The following FBXO7 variants were observed in gnomAD, a reference collection of about 807,000 sequenced individuals.
FBXO7 encodes the protein F-box only protein 7.
In FBXO7, 31 loss-of-function variants were observed where a neutral mutation model predicts 50.2. That is an observed-to-expected ratio of 0.62 (90% CI 0.46 to 0.83). The LOEUF (loss-of-function observed/expected upper bound fraction) is 0.83. Ranked by LOEUF, FBXO7 falls within the 40% of genes least tolerant of loss-of-function variation. The probability of loss-of-function intolerance (pLI) is 0.00; values close to 1 mark genes in which losing one functional copy is unlikely to be tolerated. For synonymous variants in FBXO7, 256 were observed against 253.1 expected (o/e 1.01, Z -0.11); for missense variants, 667 against 646.6 (o/e 1.03, Z -0.34).
chr22:32,494,339 A>G lies in FBXO7; in HGVS notation c.1144+1058A>G, dbSNP rs191378281. The stretch of plus-strand genomic sequence containing the variant: ...AAAGCATCATCTCAAAAAATAATTC[A>G]ATTTTATTTATTTGTGTATTTTTGA... On this transcript the variant is annotated intron_variant, in intron 7 of 8. Transcript: ENST00000266087. Among the ~76,000 whole-genome samples the G allele has an allele frequency of 4.8e-3, 728 of 152,112 alleles. 4 individuals are homozygous for G. Among genetic ancestry groups the G allele is most frequent in the African/African-American group, 0.016 (667 of 41,476 alleles).
Position 32,479,244 on chromosome 22 carries a change from C to G in FBXO7, c.386C>G (p.Ala129Gly), listed in dbSNP as rs1200382267. The G allele has an allele frequency of 6.2e-7, 1 of 1,613,932 alleles. No individual in the cohort carries two copies. Among genetic ancestry groups the G allele is most frequent in the Non-Finnish European group, 8.5e-7 (1 of 1,180,030 alleles). The change falls in exon 2 of 9, where the codon GCC (alanine) becomes GGC (glycine). Residue 129 changes from alanine to glycine, a missense_variant. By Grantham distance (60) the Ala-to-Gly change is moderately conservative. Coordinates refer to ENST00000266087, the MANE Select transcript of FBXO7 (RefSeq NM_012179.4). ...QPSDSFQGQA[A>G]QSGVWNDDSM... ...AGTGATTCATTCCAAGGACAGGCAG[C>G]CCAGTCTGGTGTTTGGAATGACGAC...
intron 2 of FBXO7, among the ~76,000 whole-genome samples, chr22:32,482,091 T>C (rs569922971): frequency 1.6e-4 from 24 of 152,306 alleles, no homozygotes; most frequent in African/African-American, 5.3e-4. Context: ...CAATAAGTAG[T>C]AAATGGCCAA....
chr22:32,494,837 C>T (rs776713293), intron 7 of FBXO7, among the ~76,000 whole-genome samples: 31 of 152,148 alleles, frequency 2.0e-4, no homozygotes, highest in Non-Finnish European at 4.1e-4. Context: ...AATCTTACTT[C>T]CATGCTAATG....
At chr22:32,497,462 CATT>C (rs1052682792) in intron 8 of FBXO7, among the ~76,000 whole-genome samples, 3 of 152,192 alleles carry the variant, frequency 2.0e-5, no homozygotes, top group African/African-American at 7.2e-5. Context: ...CTGCAAAAGA[CATT>C]ATTTCATTCC....
In FBXO7 at chr22:32,479,058, G is replaced by T; in HGVS notation, c.200G>T (p.Gly67Val). ...TGDEETLASY[G>V]IVSGDLICLI... ...GATGAAGAGACCTTGGCTTCATATG[G>T]GATTGTTTCTGGGGACTTGATATGT... Residue 67 changes from glycine to valine, a missense_variant, in exon 2 of 9, where the codon GGG becomes GTG. Physicochemically the swap from Gly to Val is moderately radical, Grantham distance 109. Coordinates refer to ENST00000266087, the MANE Select transcript of FBXO7 (RefSeq NM_012179.4). 1 of 1,614,118 alleles carries T rather than the reference G, an allele frequency of 6.2e-7. No homozygotes were observed. Among genetic ancestry groups the T allele is most frequent in the Non-Finnish European group, 8.5e-7 (1 of 1,180,008 alleles).
chr22:32,487,875 CATATAAGAAAAAAATCTGAAAGATA>C (rs1232609033), intron 5 of FBXO7, 47 bp downstream of exon 5: 1 of 1,175,726 alleles, frequency 8.5e-7, no homozygotes. Context: ...CTGTGAAATT[CATATAAGAAAAAAATCTGAAAGATA>C]ATGTTCAAAA....
intron 1 of FBXO7, chr22:32,475,643 T>A: frequency 1.9e-6 from 1 of 516,668 alleles, no homozygotes; most frequent in Non-Finnish European, 3.3e-6. Flanking sequence ...GTATCGCTGC[T>A]GTGAAGCGGC....
chr22:32,475,246 CG>C, intron 1 of FBXO7, 122 bp downstream of exon 1: 1 of 1,536,180 alleles, frequency 6.5e-7, no homozygotes. Context: ...AGGCCAAGTG[CG>C]GGGACGCCGG....
intron 1 of FBXO7, 39 bp from the exon 2 acceptor site, chr22:32,478,942 T>C (rs1227996331): frequency 6.3e-7 from 1 of 1,576,036 alleles, no homozygotes; most frequent in Non-Finnish European, 8.7e-7. Flanking sequence ...GTATTAGAAG[T>C]AGGTAGTTCT....
intron 8 of FBXO7, among the ~76,000 whole-genome samples, chr22:32,497,146 G>C (rs2057580485): frequency 6.6e-6 from 1 of 152,224 alleles, no homozygotes; most frequent in African/African-American, 2.4e-5. Context: ...AAGAGAGAAA[G>C]TGGTTTCTTT....
chr22:32,485,282 A>G (rs1230587597), intron 4 of FBXO7, 73 bp downstream of exon 4: 1 of 1,580,518 alleles, frequency 6.3e-7, no homozygotes, highest in Admixed American at 1.7e-5. Context: ...TTTTATAGCC[A>G]CTTCAGTGAT....
At chr22:32,495,431 A>C in intron 7 of FBXO7, 62 bp from the exon 8 acceptor site, 1 of 1,136,314 alleles carries the variant, frequency 8.8e-7, no homozygotes. Context: ...AACAAAACCC[A>C]CTGTTTAATG....
chr22:32,489,455 T>A (rs754197797), intron 5 of FBXO7: 1 of 152,324 alleles, frequency 6.6e-6, no homozygotes, highest in East Asian at 1.9e-4. Flanking sequence ...GACCTTGTTA[T>A]GGGGAGTAGA....
chr22:32,479,083 T>C lies in FBXO7; in HGVS notation c.225T>C (p.Cys75=), dbSNP rs751686670. 1 of 1,614,212 alleles carries C rather than the reference T, an allele frequency of 6.2e-7. No individual in the cohort carries two copies. The highest frequency in any genetic ancestry group is 1.1e-5 in the South Asian group (1 of 91,082). Residue 75 remains cysteine, a synonymous_variant, in exon 2 of 9, where the codon TGT becomes TGC. Transcript: ENST00000266087. The part of the protein sequence containing the change: ...SYGIVSGDLI[C]LILQDDIPAP... ...GGATTGTTTCTGGGGACTTGATATG[T>C]TTGATTCTTCAAGATGACATTCCAG...
intron 5 of FBXO7, chr22:32,490,805 A>G (rs2057529826): frequency 2.5e-6 from 1 of 404,834 alleles, no homozygotes; most frequent in Non-Finnish European, 4.6e-6. Context: ...CTTCGTATGT[A>G]TGAATCTCTC....
At chr22:32,485,599 G>T (rs1206523118) in intron 4 of FBXO7, among the ~76,000 whole-genome samples, 1 of 151,994 alleles carries the variant, frequency 6.6e-6, no homozygotes, top group Non-Finnish European at 1.5e-5. Flanking sequence ...TTTAACGAAG[G>T]TCTTGAACTG....
At chr22:32,490,563 C>G (rs1450857459) in intron 5 of FBXO7, 1 of 157,708 alleles carries the variant, frequency 6.3e-6, no homozygotes, top group Non-Finnish European at 1.4e-5. Context: ...ACTGTTCTGC[C>G]ACTAACCATG....
chr22:32,495,431 A>G (rs1312570944), intron 7 of FBXO7, 62 bp from the exon 8 acceptor site: 7 of 1,136,200 alleles, frequency 6.2e-6, no homozygotes, highest in Admixed American at 3.8e-5. Context: ...AACAAAACCC[A>G]CTGTTTAATG....
At chr22:32,493,894 C>T (rs1412028820) in intron 7 of FBXO7, among the ~76,000 whole-genome samples, 1 of 151,848 alleles carries the variant, frequency 6.6e-6, no homozygotes, top group Non-Finnish European at 1.5e-5. Flanking sequence ...ACAAAACCCA[C>T]AATGGAAAAA....
Sources: gnomAD v4.1 joint callset for allele counts (sites outside exome capture counted in the v4.1 genomes callset) on GRCh38, gnomAD v4.1.1 for gene constraint, MANE v1.5 for transcripts, NCBI Gene and HGNC (gene_info 2026-07-23, HGNC 2026-07-21) for gene names.